ZNF721: variants seen among roughly 807,000 people sequenced by gnomAD.
ZNF721 encodes the protein zinc finger protein 721.
In ZNF721, 2 loss-of-function variants were observed where a neutral mutation model predicts 2.4. That is an observed-to-expected ratio of 0.82 (90% confidence interval 0.34 to 2.58). The LOEUF is 2.58. ZNF721 is among the 30% of genes most tolerant of loss of function. ZNF721 has a pLI of 0.11. For missense variants in ZNF721, 1,187 were observed against 1,085.5 expected (o/e 1.09, Z -1.31); for synonymous variants, 398 against 381.8 (o/e 1.04, Z -0.50).
intron 1 of ZNF721, among the ~76,000 whole-genome samples, chr4:491,167 C>T (rs1716010759): frequency 3.3e-5 from 5 of 152,192 alleles, no homozygotes; most frequent in Admixed American, 2.6e-4. Flanking sequence ...GTGGCTCACA[C>T]ATGTAACCCC....
At chr4:489,037 GT>G (rs1232200565) in intron 1 of ZNF721, among the ~76,000 whole-genome samples, 1 of 152,122 alleles carries the variant, frequency 6.6e-6, no homozygotes, top group East Asian at 1.9e-4. Flanking sequence ...AGAAGGGACT[GT>G]CGCAACTTAG....
rs13114490 is a variant in ZNF721, at chr4:442,052, A to G, written c.2415T>C (p.Gly805=). The part of the protein sequence containing the change: ...SFAKHKRIHT[G]EKPFKCLECG... ...ATTCTAAACATTTAAAGGGTTTCTC[A>G]CCTGTATGAATCCTCTTATGTTTAG... Residue 805 remains glycine, a synonymous_variant, in exon 3 of 3, where the codon GGT becomes GGC. Coordinates refer to ENST00000511833, the MANE Select transcript of ZNF721 (RefSeq NM_133474.4). The G allele has an allele frequency of 1.9e-6, 3 of 1,613,814 alleles. No homozygotes were observed. The highest frequency in any genetic ancestry group is 1.7e-5 in the Admixed American group (1 of 60,008).
At chr4:463,289 T>G (rs1483909994) in intron 2 of ZNF721, among the ~76,000 whole-genome samples, 2 of 152,150 alleles carry the variant, frequency 1.3e-5, no homozygotes, top group Admixed American at 1.3e-4. Context: ...GAAATAGGAA[T>G]GCTTTTACAC....
At position 443,341 on chromosome 4, in the gene ZNF721, G is replaced by A; in HGVS notation, c.1126C>T (p.Leu376=). 6.2e-7 allele frequency: 1 copy of A among 1,614,034 alleles called. No individual in the cohort carries two copies. Among genetic ancestry groups the A allele is most frequent in the South Asian group, 1.1e-5 (1 of 91,070 alleles). The change falls in exon 3 of 3, where the codon CTG becomes TTG. Residue 376 remains leucine, a synonymous_variant. Transcript: ENST00000511833. ...GTATGAATTTTCTTGTGTTGATTCAGGGCTGTGTACCGTCCAAAGGCTTTG... is the reference window on the plus strand; with the variant it reads ...GTATGAATTTTCTTGTGTTGATTCAAGGCTGTGTACCGTCCAAAGGCTTTG... The part of the protein sequence containing the change: ...CGKAFGRYTA[L]NQHKKIHTGE...
chr4:464,155 C>T (rs182330941), intron 2 of ZNF721, among the ~76,000 whole-genome samples: 8 of 152,234 alleles, frequency 5.3e-5, no homozygotes, highest in African/African-American at 1.9e-4. Flanking sequence ...CAATTATACA[C>T]AGGATAAAAT....
At chr4:497,724 A>G (rs1424521733) in intron 1 of ZNF721, among the ~76,000 whole-genome samples, 1 of 125,042 alleles carries the variant, frequency 8.0e-6, no homozygotes, top group African/African-American at 3.2e-5. Flanking sequence ...CGTCACTACT[A>G]AAAAATACAA....
intron 1 of ZNF721, among the ~76,000 whole-genome samples, chr4:493,680 C>T (rs1466162148): frequency 1.3e-4 from 8 of 60,560 alleles, no homozygotes; most frequent in Admixed American, 7.2e-4. Flanking sequence ...TTCCATCCCC[C>T]CCGCAAAAAA....
chr4:484,617 T>C (rs1325371846), intron 1 of ZNF721, among the ~76,000 whole-genome samples: 3 of 152,176 alleles, frequency 2.0e-5, no homozygotes, highest in Admixed American at 2.0e-4. Context: ...GCTGCAGAGA[T>C]GAAATAGACT....
At chr4:463,396 C>T (rs1177421191) in intron 2 of ZNF721, among the ~76,000 whole-genome samples, 3 of 152,106 alleles carry the variant, frequency 2.0e-5, no homozygotes, top group Non-Finnish European at 4.4e-5. Context: ...CCCCATAATC[C>T]CATTACTGGA....
chr4:440,879 T>G lies in ZNF721; in HGVS notation c.*816A>C, dbSNP rs1187863338. On this transcript the variant is annotated 3_prime_UTR_variant, in exon 3 of 3. Coordinates refer to ENST00000511833, the MANE Select transcript of ZNF721 (RefSeq NM_133474.4). Reference sequence around the variant, plus strand: ...CGAGGTTTCTCCATATTGGTCAGGCTGTCCTTGAACTCCCGACCTCAGGTG... The same window carrying G: ...CGAGGTTTCTCCATATTGGTCAGGCGGTCCTTGAACTCCCGACCTCAGGTG... 2 of 152,324 alleles carry G rather than the reference T, an allele frequency of 1.3e-5. No homozygotes were observed. The highest frequency in any genetic ancestry group is 2.9e-5 in the Non-Finnish European group (2 of 68,106). 9.4% of individuals were successfully genotyped at this position (152,324 alleles called of 1,614,324 possible). A position where few individuals can be genotyped will look rare whatever the true frequency, so the allele number is the denominator to read the frequency against.
At chr4:490,981 T>C (rs1716005431) in intron 1 of ZNF721, among the ~76,000 whole-genome samples, 3 of 149,758 alleles carry the variant, frequency 2.0e-5, no homozygotes, top group Admixed American at 2.0e-4. Context: ...CAGGAAGGAA[T>C]GTTTGTTACA....
intron 1 of ZNF721, among the ~76,000 whole-genome samples, chr4:490,277 C>T (rs1553871303): frequency 6.6e-6 from 1 of 151,684 alleles, no homozygotes; most frequent in Non-Finnish European, 1.5e-5. Context: ...GAGATCGAGA[C>T]CATCCTGGCT....
In ZNF721 at chr4:499,133, A is replaced by G. The variant is rs540300813; in HGVS notation, c.-171T>C. 27 of 588,020 alleles carry G rather than the reference A, an allele frequency of 4.6e-5. No individual in the cohort carries two copies. Among genetic ancestry groups the G allele is most frequent in the Non-Finnish European group, 6.7e-5 (23 of 344,900 alleles). 36.4% of individuals were successfully genotyped at this position (588,020 alleles called of 1,614,324 possible). On this transcript the variant is annotated 5_prime_UTR_variant, in exon 1 of 3. Coordinates refer to ENST00000511833, the MANE Select transcript of ZNF721 (RefSeq NM_133474.4). ...GCCGGGAACACCGCCCGCTGTTCGT[A>G]TGTCCGAGGTGACGCCCCGCTGTGG... is the stretch of plus-strand genomic sequence containing the variant.
intron 1 of ZNF721, among the ~76,000 whole-genome samples, chr4:492,689 C>T (rs1345917948): frequency 6.9e-6 from 1 of 144,748 alleles, no homozygotes; most frequent in Non-Finnish European, 1.5e-5. Context: ...TCTGGTTTGT[C>T]CTGAACATCC....
intron 2 of ZNF721, among the ~76,000 whole-genome samples, chr4:459,504 C>T (rs1714950263): frequency 6.6e-6 from 1 of 151,900 alleles, no homozygotes; most frequent in Non-Finnish European, 1.5e-5. Flanking sequence ...ATCCTAGTCT[C>T]TGATAAAACA....
At position 457,001 on chromosome 4, in the gene ZNF721, T is replaced by C. The variant is rs185784631; in HGVS notation, c.35-12569A>G. ...TAAAACACTGAATATAATATAGATGTATCATAAAAACAATCCTTTAACTAC... is the reference window on the plus strand; with the variant it reads ...TAAAACACTGAATATAATATAGATGCATCATAAAAACAATCCTTTAACTAC... On this transcript the variant is annotated intron_variant, in intron 2 of 2. Transcript: ENST00000511833. 1.3e-4 allele frequency among the ~76,000 whole-genome samples: 20 copies of C among 152,312 alleles called. 1 individual carries two copies. In the East Asian group the frequency reaches 3.7e-3, roughly 28 times the overall value.
intron 2 of ZNF721, among the ~76,000 whole-genome samples, chr4:462,112 T>C (rs1211175513): frequency 3.9e-5 from 6 of 152,004 alleles, no homozygotes; most frequent in African/African-American, 1.2e-4. Flanking sequence ...ATACCAATAA[T>C]AGACAAACAG....
intron 2 of ZNF721, among the ~76,000 whole-genome samples, chr4:461,448 G>A (rs976064597): frequency 6.8e-6 from 1 of 147,902 alleles, no homozygotes; most frequent in Non-Finnish European, 1.5e-5. Flanking sequence ...CTGATGGAAT[G>A]TATCTCAAAA....
chr4:474,163 C>G, intron 1 of ZNF721: 1 of 595,798 alleles, frequency 1.7e-6, no homozygotes, highest in South Asian at 1.8e-5. Flanking sequence ...CGCCGAAGAT[C>G]CCGGATGCCG....
Sources: allele counts gnomAD v4.1 joint callset (sites outside exome capture counted in the v4.1 genomes callset), GRCh38; gene constraint gnomAD v4.1.1; transcripts MANE v1.5; gene names NCBI Gene and HGNC (gene_info 2026-07-23, HGNC 2026-07-21).